The following RNF144A variants were observed in gnomAD, a reference collection of about 807,000 sequenced individuals.
RNF144A encodes E3 ubiquitin-protein ligase RNF144A.
A neutral mutation model predicts 38.7 loss-of-function variants in RNF144A; 11 were observed. That is an observed-to-expected ratio of 0.28 (90% confidence interval 0.18 to 0.47). The LOEUF is 0.47. Among genes scored for constraint, RNF144A ranks in the 20% least tolerant of loss-of-function variants. The pLI, the probability that RNF144A is intolerant of heterozygous loss-of-function variation, is 0.99. For synonymous variants in RNF144A, 149 were observed against 143.9 expected (o/e 1.04, Z -0.25); for missense variants, 316 against 377.2 (o/e 0.84, Z 1.34).
Position 6,972,492 on chromosome 2 carries a change from T to A in RNF144A, c.-11-24424T>A, listed in dbSNP as rs1879059. 1.8e-3 allele frequency among the ~76,000 whole-genome samples: 274 copies of A among 152,338 alleles called. 2 individuals carry two copies. Among genetic ancestry groups the A allele is most frequent in the African/African-American group, 6.4e-3 (266 of 41,570 alleles). Reference sequence around the variant, plus strand: ...GGAACGGAAATAGCCCCGGGGGGTTTGTTCCTTGAGCTAATTGCTGTTTCT... The same window carrying A: ...GGAACGGAAATAGCCCCGGGGGGTTAGTTCCTTGAGCTAATTGCTGTTTCT... On this transcript the variant is annotated intron_variant, in intron 2 of 8. Coordinates refer to ENST00000320892, the MANE Select transcript of RNF144A (RefSeq NM_014746.6).
chr2:7,005,244 C>T (rs564313896), intron 3 of RNF144A, among the ~76,000 whole-genome samples: 2 of 152,296 alleles, frequency 1.3e-5, no homozygotes, highest in East Asian at 3.9e-4. Flanking sequence ...TGAAGCCAAG[C>T]TTGCTCTTTC....
chr2:6,972,498 T>C (rs534128101), intron 2 of RNF144A, among the ~76,000 whole-genome samples: 1 of 152,360 alleles, frequency 6.6e-6, no homozygotes, highest in African/African-American at 2.4e-5. Flanking sequence ...GGTTTGTTCC[T>C]TGAGCTAATT....
intron 2 of RNF144A, among the ~76,000 whole-genome samples, chr2:6,973,917 C>T (rs951532062): frequency 2.6e-5 from 4 of 152,208 alleles, no homozygotes; most frequent in African/African-American, 9.6e-5. Context: ...GAAATATTTT[C>T]CATCTTGCTC....
Position 7,039,629 on chromosome 2 carries a change from G to A in RNF144A, c.748G>A (p.Val250Ile). 2.5e-6 allele frequency: 4 copies of A among 1,613,874 alleles called. No individual in the cohort carries two copies. The highest frequency in any genetic ancestry group is 2.5e-6 in the Non-Finnish European group (3 of 1,179,912). The change falls in exon 9 of 9, where the codon GTT becomes ATT. Residue 250 changes from valine to isoleucine, a missense_variant and splice_region_variant. Coordinates refer to ENST00000320892, the MANE Select transcript of RNF144A (RefSeq NM_014746.6). ...CTACCCCTTTGTTTCTTTCTTCCAG[G>A]TTGTGGGCATTTTTGCAGGATTTGG... is the stretch of plus-strand genomic sequence containing the variant. ...RASVIWHRTQ[V>I]VGIFAGFGLL...
At chr2:6,995,460 C>T (rs192297287) in intron 2 of RNF144A, among the ~76,000 whole-genome samples, 2 of 152,284 alleles carry the variant, frequency 1.3e-5, no homozygotes, top group East Asian at 3.9e-4. Context: ...ACGATCACGA[C>T]GTGAGGTCCC....
chr2:7,045,930 A>G (rs1437844563), downstream of RNF144A, among the ~76,000 whole-genome samples: 2 of 152,236 alleles, frequency 1.3e-5, no homozygotes, highest in East Asian at 3.9e-4. Flanking sequence ...CCAAAAAACA[A>G]TGATGGTTAA....
chr2:6,925,460 C>A (rs996357556), intron 1 of RNF144A, among the ~76,000 whole-genome samples: 1 of 152,078 alleles, frequency 6.6e-6, no homozygotes, highest in Non-Finnish European at 1.5e-5. Flanking sequence ...CCTCCCCCTT[C>A]CCCCCCAGTT....
intron 2 of RNF144A, among the ~76,000 whole-genome samples, chr2:6,963,912 C>T (rs1667491825): frequency 6.6e-6 from 1 of 152,178 alleles, no homozygotes; most frequent in South Asian, 2.1e-4. Flanking sequence ...GGCAGCTGTG[C>T]AGGGAATGGG....
At chr2:6,972,635 G>A (rs1033141301) in intron 2 of RNF144A, among the ~76,000 whole-genome samples, 1 of 152,002 alleles carries the variant, frequency 6.6e-6, no homozygotes, top group African/African-American at 2.4e-5. Flanking sequence ...TTACTGTTTC[G>A]TACACATGTT....
At chr2:6,928,095 A>G (rs955754925) in intron 1 of RNF144A, among the ~76,000 whole-genome samples, 1 of 152,178 alleles carries the variant, frequency 6.6e-6, no homozygotes, top group African/African-American at 2.4e-5. Flanking sequence ...CTCTTGTCCC[A>G]CTTGCCCTGT....
chr2:7,075,891 G>A, the RNF144A span, among the ~76,000 whole-genome samples: 1 of 152,182 alleles, frequency 6.6e-6, no homozygotes, highest in African/African-American at 2.4e-5. Flanking sequence ...GGCCTCCTTG[G>A]AAAGCGTAAT....
intron 2 of RNF144A, among the ~76,000 whole-genome samples, chr2:6,976,601 A>G (rs920179795): frequency 2.0e-5 from 3 of 148,498 alleles, no homozygotes; most frequent in Non-Finnish European, 4.5e-5. Context: ...TATAAATTTC[A>G]TATATAATGA....
At chr2:7,029,307 A>G (rs762028384) in intron 7 of RNF144A, among the ~76,000 whole-genome samples, 4 of 152,196 alleles carry the variant, frequency 2.6e-5, no homozygotes, top group Non-Finnish European at 5.9e-5. Context: ...AGGGCTCGGT[A>G]TAGAAATGCC....
intron 5 of RNF144A, among the ~76,000 whole-genome samples, chr2:7,019,108 G>A (rs563853335): frequency 2.6e-4 from 40 of 152,250 alleles, no homozygotes; most frequent in African/African-American, 8.4e-4. Flanking sequence ...ATGACTATCC[G>A]ACCCTCTGCA....
intron 3 of RNF144A, among the ~76,000 whole-genome samples, chr2:7,005,292 G>T (rs1670366546): frequency 6.6e-6 from 1 of 152,210 alleles, no homozygotes; most frequent in South Asian, 2.1e-4. Flanking sequence ...GTCTGATCAT[G>T]TCTGCTCTGC....
At chr2:6,942,970 G>A (rs549943303) in intron 2 of RNF144A, among the ~76,000 whole-genome samples, 4 of 152,166 alleles carry the variant, frequency 2.6e-5, no homozygotes, top group African/African-American at 4.8e-5. Context: ...GGTGACAAAA[G>A]CGAGACTCCA....
At chr2:6,964,362 A>G (rs1303297729) in intron 2 of RNF144A, among the ~76,000 whole-genome samples, 2 of 152,330 alleles carry the variant, frequency 1.3e-5, no homozygotes, top group South Asian at 4.1e-4. Flanking sequence ...ACACTTTTAC[A>G]TTGTTGGTGG....
At chr2:6,953,253 T>TC (rs1268125150) in intron 2 of RNF144A, among the ~76,000 whole-genome samples, 1 of 152,024 alleles carries the variant, frequency 6.6e-6, no homozygotes, top group Non-Finnish European at 1.5e-5. Context: ...ATGGTGAAAC[T>TC]CCGTGTCTTC....
intron 5 of RNF144A, among the ~76,000 whole-genome samples, chr2:7,017,119 T>C (rs1435128419): frequency 1.3e-5 from 2 of 152,124 alleles, no homozygotes; most frequent in African/African-American, 4.8e-5. Context: ...TCTCTCATGC[T>C]ACACTCGACG....
Sources: allele counts gnomAD v4.1 joint callset (sites outside exome capture counted in the v4.1 genomes callset), GRCh38; gene constraint gnomAD v4.1.1; transcripts MANE v1.5; gene names NCBI Gene and HGNC (gene_info 2026-07-23, HGNC 2026-07-21).